The following SPG11 variants were observed in gnomAD, a reference collection of about 807,000 sequenced individuals.
SPG11 encodes SPG11 vesicle trafficking associated, spatacsin.
Under a neutral mutation model 274.0 loss-of-function variants are expected in SPG11, and 222 were observed. The observed-to-expected ratio is 0.81, with a 90% CI of 0.73 to 0.91. SPG11 has a LOEUF of 0.91. Ranked by LOEUF, SPG11 falls within the 40% of genes least tolerant of loss-of-function variation. The pLI, the probability that SPG11 is intolerant of heterozygous loss-of-function variation, is 0.00. For missense variants in SPG11, 3,114 were observed against 2,872.7 expected (o/e 1.08, Z -1.92); for synonymous variants, 1,144 against 1,039.7 (o/e 1.10, Z -1.93).
At chr15:44,586,935 T>C (rs2082778108) in intron 28 of SPG11, among the ~76,000 whole-genome samples, 1 of 152,232 alleles carries the variant, frequency 6.6e-6, no homozygotes. Context: ...TGTGGCACAC[T>C]GTATTCAGAA....
intron 16 of SPG11, among the ~76,000 whole-genome samples, 190 bp downstream of exon 16, chr15:44,615,173 A>G (rs2083561240): frequency 6.6e-6 from 1 of 152,244 alleles, no homozygotes; most frequent in Admixed American, 6.5e-5. Flanking sequence ...CAAAAAACAC[A>G]TAAGCATTTT....
chr15:44,575,492 AC>A (rs2082516655), intron 30 of SPG11, among the ~76,000 whole-genome samples: 1 of 140,870 alleles, frequency 7.1e-6, no homozygotes, highest in South Asian at 2.3e-4. Context: ...TCTCCAACAT[AC>A]TTTTTTTTTT....
chr15:44,566,317 AT>A lies in SPG11; in HGVS notation c.6755-13del, dbSNP rs763484947. The A allele has an allele frequency of 3.7e-6, 6 of 1,613,214 alleles. No individual in the cohort carries two copies. Among genetic ancestry groups the A allele is most frequent in the Non-Finnish European group, 5.1e-6 (6 of 1,179,586 alleles). On this transcript the variant is annotated splice_polypyrimidine_tract_variant and intron_variant, in intron 36 of 39. Coordinates refer to ENST00000261866, the MANE Select transcript of SPG11 (RefSeq NM_025137.4). ...CTTGAGGCTGTCCTCTGTAGGGGAA[AT>A]AAAGAAGATTTGCCGAGTCTGACTC...
intron 15 of SPG11, among the ~76,000 whole-genome samples, chr15:44,618,077 T>C (rs561666110): frequency 2.4e-4 from 36 of 152,312 alleles, no homozygotes; most frequent in Admixed American, 2.0e-3. Context: ...TTACTGAGAT[T>C]ACACTATATT....
intron 28 of SPG11, among the ~76,000 whole-genome samples, chr15:44,586,365 G>T (rs2082765342): frequency 6.6e-6 from 1 of 152,130 alleles, no homozygotes; most frequent in South Asian, 2.1e-4. Flanking sequence ...CAGATTAATG[G>T]CTAGGCGTAG....
In SPG11 at chr15:44,659,907, A is replaced by G. The variant is rs367549586; in HGVS notation, c.442+525T>C. On this transcript the variant is annotated intron_variant, in intron 2 of 39. Transcript: ENST00000261866. ...GAAACCCTGTCTCTACTAAAAATAT[A>G]AAAGTTAGCTGGGCGTGGCGGCGGG... Among the ~76,000 whole-genome samples, 8 of 152,302 alleles carry G rather than the reference A, an allele frequency of 5.3e-5. No individual in the cohort carries two copies. The East Asian group carries it at 1.4e-3, about 26-fold the overall frequency.
chr15:44,607,656 G>A (rs1015750743), intron 19 of SPG11, among the ~76,000 whole-genome samples: 2 of 152,344 alleles, frequency 1.3e-5, no homozygotes, highest in East Asian at 1.9e-4. Context: ...CTTTTGAAAT[G>A]AGAAATGGGC....
intron 15 of SPG11, among the ~76,000 whole-genome samples, chr15:44,619,642 T>G (rs2083684494): frequency 1.3e-5 from 2 of 152,100 alleles, no homozygotes; most frequent in African/African-American, 4.8e-5. Context: ...TATACCAAAG[T>G]GCATAAAATG....
At chr15:44,595,958 T>C (rs1480511798) in intron 25 of SPG11, 125 bp downstream of exon 25, 4 of 1,313,754 alleles carry the variant, frequency 3.0e-6, no homozygotes, top group Non-Finnish European at 4.3e-6. Flanking sequence ...TGCAGTGAAC[T>C]TGGAAACACA....
Position 44,620,363 on chromosome 15 carries a change from G to T in SPG11, c.2661C>A (p.Leu887=). 1 of 1,613,896 alleles carries T rather than the reference G, an allele frequency of 6.2e-7. No homozygotes were observed. The highest frequency in any genetic ancestry group is 2.2e-5 in the East Asian group (1 of 44,870). ...SYSPEALWRY[L]TARHDWLNII... Reference sequence around the variant, plus strand: ...TGTTTAACCAATCATGGCGAGCTGTGAGGTATCTCCAGAGGGCTTCAGGGG... The same window carrying T: ...TGTTTAACCAATCATGGCGAGCTGTTAGGTATCTCCAGAGGGCTTCAGGGG... The change falls in exon 15 of 40, where the codon CTC becomes CTA. Residue 887 remains leucine, a synonymous_variant. Transcript: ENST00000261866.
chr15:44,586,962 C>T (rs2082778918), intron 28 of SPG11, among the ~76,000 whole-genome samples: 1 of 152,180 alleles, frequency 6.6e-6, no homozygotes. Flanking sequence ...ATCACTTGCA[C>T]CTCTAAAATT....
Position 44,621,858 on chromosome 15 carries a change from C to A in SPG11, c.2521G>T (p.Glu841Ter). Residue 841 changes from glutamate (E) to a stop codon, truncating the protein, a stop_gained, in exon 14 of 40, where the codon GAA becomes TAA. Coordinates refer to ENST00000261866, the MANE Select transcript of SPG11 (RefSeq NM_025137.4). LOFTEE classifies it high-confidence loss of function. The part of the protein sequence containing the change: ...DSFLKYDCKD[E>*]FNKQDHRIVL... ...ATTCTATGGTCCTGTTTGTTAAATT[C>A]ATCTTTACAATCATATTTCAGGAAT... The A allele has an allele frequency of 6.2e-7, 1 of 1,613,666 alleles. No homozygotes were observed. Among genetic ancestry groups the A allele is most frequent in the South Asian group, 1.1e-5 (1 of 91,066 alleles).
At position 44,663,567 on chromosome 15, in the gene SPG11, C is replaced by A; in HGVS notation, c.81G>T (p.Pro27=). ...WGTAAMGRVL[P]MLLVPVPAEA... ...CGGCGGGGACTGGCACCAACAGCATCGGTAGAACCCGCCCCATGGCCGCGG... is the reference window on the plus strand; with the variant it reads ...CGGCGGGGACTGGCACCAACAGCATAGGTAGAACCCGCCCCATGGCCGCGG... Residue 27 remains proline, a synonymous_variant, in exon 1 of 40, where the codon CCG becomes CCT. Coordinates refer to ENST00000261866, the MANE Select transcript of SPG11 (RefSeq NM_025137.4). The A allele has an allele frequency of 6.3e-7, 1 of 1,596,318 alleles. No homozygotes were observed. The highest frequency in any genetic ancestry group is 1.1e-5 in the South Asian group (1 of 89,246).
At position 44,663,619 on chromosome 15, in the gene SPG11, G is replaced by T; in HGVS notation, c.29C>A (p.Ala10Asp). The T allele has an allele frequency of 6.3e-7, 1 of 1,596,354 alleles. No homozygotes were observed. The highest frequency in any genetic ancestry group is 8.5e-7 in the Non-Finnish European group (1 of 1,176,144). MAAEEGVASAASAGGSWGTA... is the reference protein window; with the variant it reads MAAEEGVASDASAGGSWGTA... Reference sequence around the variant, plus strand: ...GCCCCAGCTACCGCCGGCGGAAGCAGCACTCGCGACCCCTTCCTCTGCAGC... The same window carrying T: ...GCCCCAGCTACCGCCGGCGGAAGCATCACTCGCGACCCCTTCCTCTGCAGC... The change falls in exon 1 of 40, where the codon GCT (alanine) becomes GAT (aspartate). Residue 10 changes from alanine (A) to aspartate (D), a missense_variant. Coordinates refer to ENST00000261866, the MANE Select transcript of SPG11 (RefSeq NM_025137.4).
chr15:44,634,058 C>G (rs1029048695), intron 7 of SPG11, among the ~76,000 whole-genome samples: 1 of 152,038 alleles, frequency 6.6e-6, no homozygotes, highest in Admixed American at 6.6e-5. Flanking sequence ...AGGCTGGTCT[C>G]GAACTCCTGA....
Position 44,610,967 on chromosome 15 carries a change from T to A in SPG11, c.3164A>T (p.Gln1055Leu). Residue 1055 changes from glutamine to leucine, a missense_variant, in exon 18 of 40, where the codon CAG becomes CTG. Gln to Leu is a moderately radical substitution (Grantham distance 113). Transcript: ENST00000261866. ...SNLTDPKLIFQASLANAQILI... is the reference protein window; with the variant it reads ...SNLTDPKLIFLASLANAQILI... Reference sequence around the variant, plus strand: ...AATCTGAGCATTTGCAAGGCTAGCCTGGAAGATCAGTTTGGGATCTGGAAA... The same window carrying A: ...AATCTGAGCATTTGCAAGGCTAGCCAGGAAGATCAGTTTGGGATCTGGAAA... 6.2e-7 allele frequency: 1 copy of A among 1,613,920 alleles called. No homozygotes were observed. The highest frequency in any genetic ancestry group is 8.5e-7 in the Non-Finnish European group (1 of 1,179,984).
rs1269833760 is a variant in SPG11 at position 44,573,654 on chromosome 15, T to G, written c.6098A>C (p.Lys2033Thr). The G allele has an allele frequency of 4.3e-6, 7 of 1,614,078 alleles. No individual in the cohort carries two copies. In the South Asian group the frequency reaches 6.6e-5, roughly 15 times the overall value. ...ILASQQPDRC[K>T]RAQAFISTQG... is the part of the protein sequence containing the mutation. The stretch of plus-strand genomic sequence containing the variant: ...TGTGCTGATGAAGGCCTGGGCTCGT[T>G]TGCATCGGTCAGGCTGCTGAGAGGC... The change falls in exon 32 of 40, where the codon AAA (lysine) becomes ACA (threonine). Residue 2033 changes from lysine (K) to threonine (T), a missense_variant. Lys to Thr is a moderately conservative substitution (Grantham distance 78, BLOSUM62 -1). Transcript: ENST00000261866.
chr15:44,581,470 G>T (rs2082657621), intron 30 of SPG11, among the ~76,000 whole-genome samples: 1 of 151,894 alleles, frequency 6.6e-6, no homozygotes, highest in South Asian at 2.1e-4. Flanking sequence ...GCCTCCCAAA[G>T]TGCTGGAATT....
In SPG11 at chr15:44,564,560, C is replaced by A. The variant is rs369467143; in HGVS notation, c.7138G>T (p.Glu2380Ter). The A allele has an allele frequency of 4.3e-6, 7 of 1,613,832 alleles. No homozygotes were observed. The highest frequency in any genetic ancestry group is 5.9e-6 in the Non-Finnish European group (7 of 1,179,946). The change falls in exon 39 of 40, where the codon GAG (glutamate) becomes TAG (stop). Residue 2380 changes from glutamate (E) to a stop codon, truncating the protein, a stop_gained. Coordinates refer to ENST00000261866, the MANE Select transcript of SPG11 (RefSeq NM_025137.4). LOFTEE classifies it high-confidence loss of function. Reference sequence around the variant, plus strand: ...TTTAATACTTACTTTTTGGAAATCTCTTCAAATATACTGGACTTTAATAAC... The same window carrying A: ...TTTAATACTTACTTTTTGGAAATCTATTCAAATATACTGGACTTTAATAAC... ...QRLLKSSIFE[E>*]ISKKYKQHQP...
Sources: gnomAD v4.1 joint callset for allele counts (sites outside exome capture counted in the v4.1 genomes callset) on GRCh38, gnomAD v4.1.1 for gene constraint, MANE v1.5 for transcripts, NCBI Gene and HGNC (gene_info 2026-07-23, HGNC 2026-07-21) for gene names.